Variants in PPP2R5E observed in about 807,000 individuals in gnomAD.
The protein encoded by PPP2R5E is protein phosphatase 2 regulatory subunit B'epsilon, also known as serine/threonine-protein phosphatase 2A 56 kDa regulatory subunit epsilon isoform.
In PPP2R5E, 4 loss-of-function variants were observed where a neutral mutation model predicts 65.3. The ratio of observed to expected loss-of-function variants is 0.06; its 90% confidence interval spans 0.03 to 0.14. PPP2R5E has a LOEUF of 0.14. PPP2R5E is among the 10% of genes least tolerant of loss of function. The probability of loss-of-function intolerance (pLI) is 1.00; values close to 1 mark genes in which losing one functional copy is unlikely to be tolerated. For missense variants in PPP2R5E, 274 were observed against 556.1 expected, an observed-to-expected ratio of 0.49 and a Z score of 5.10; for synonymous variants, 183 against 187.4, an observed-to-expected ratio of 0.98 and a Z score of 0.19.
At chr14:63,389,440 G>A (rs1055134036) in intron 11 of PPP2R5E, among the ~76,000 whole-genome samples, 172 bp downstream of exon 11, 1 of 152,068 alleles carries the variant, frequency 6.6e-6, no homozygotes, top group African/African-American at 2.4e-5. Context: ...CATTACTGTG[G>A]CTGTTAGGCA....
chr14:63,441,166 T>C (rs1050652425), intron 3 of PPP2R5E, among the ~76,000 whole-genome samples: 1 of 152,078 alleles, frequency 6.6e-6, no homozygotes, highest in African/African-American at 2.4e-5. Context: ...CAGATTTTTA[T>C]GCAGGTAACA....
At chr14:63,424,270 G>A (rs189845769) in intron 3 of PPP2R5E, among the ~76,000 whole-genome samples, 6 of 152,254 alleles carry the variant, frequency 3.9e-5, no homozygotes, top group East Asian at 1.9e-4. Flanking sequence ...TTATTTTAGC[G>A]GAGAGATTCA....
intron 2 of PPP2R5E, among the ~76,000 whole-genome samples, chr14:63,488,617 G>A (rs747425767): frequency 1.3e-5 from 2 of 152,098 alleles, no homozygotes; most frequent in African/African-American, 2.4e-5. Flanking sequence ...GGGAGGCTGA[G>A]TTGGGCAGAT....
chr14:63,428,980 A>G (rs965126962), intron 3 of PPP2R5E, among the ~76,000 whole-genome samples: 2 of 152,180 alleles, frequency 1.3e-5, no homozygotes, highest in Non-Finnish European at 2.9e-5. Flanking sequence ...CTACTCATTA[A>G]ATATCTGCCA....
At chr14:63,424,327 T>C (rs1887210361) in intron 3 of PPP2R5E, among the ~76,000 whole-genome samples, 1 of 151,906 alleles carries the variant, frequency 6.6e-6, no homozygotes, top group Non-Finnish European at 1.5e-5. Context: ...TAGGAGGCAA[T>C]TAGAAATATG....
intron 1 of PPP2R5E, among the ~76,000 whole-genome samples, chr14:63,541,734 A>T (rs1168628332): frequency 6.6e-6 from 1 of 152,222 alleles, no homozygotes; most frequent in African/African-American, 2.4e-5. Context: ...GTGGATTTTG[A>T]CAATGTAAAA....
chr14:63,405,967 C>CT (rs1178885158), intron 5 of PPP2R5E, among the ~76,000 whole-genome samples: 1 of 152,144 alleles, frequency 6.6e-6, no homozygotes, highest in Non-Finnish European at 1.5e-5. Context: ...TGTCCAAACA[C>CT]TTAAGTGAGT....
chr14:63,377,165 A>T (rs1315341062), intron 13 of PPP2R5E, among the ~76,000 whole-genome samples: 4 of 152,032 alleles, frequency 2.6e-5, no homozygotes, highest in South Asian at 4.1e-4. Flanking sequence ...AAAATAAAAA[A>T]AAAAAAATGC....
At chr14:63,422,682 G>A (rs550638197) in intron 3 of PPP2R5E, among the ~76,000 whole-genome samples, 116 of 146,768 alleles carry the variant, frequency 7.9e-4, no homozygotes, top group East Asian at 3.3e-3. Context: ...AGCCGAGATC[G>A]CGGCACTGCA....
rs533831355 is a variant in PPP2R5E at position 63,443,411 on chromosome 14, G to A, written c.354+10278C>T. Among the ~76,000 whole-genome samples the A allele has an allele frequency of 7.2e-5, 11 of 152,142 alleles. No individual in the cohort carries two copies. The South Asian group carries it at 2.3e-3, about 31-fold the overall frequency. ...AACAGCAAATGATCAGTGTGACAAG[G>A]TTGAACACTTTTTGTAGGAGAGAAG... On this transcript the variant is annotated intron_variant, in intron 3 of 13. Transcript: ENST00000337537.
intron 10 of PPP2R5E, 63 bp from the exon 11 acceptor site, chr14:63,389,794 G>A (rs1283718673): frequency 1.4e-6 from 2 of 1,443,746 alleles, no homozygotes; most frequent in Non-Finnish European, 1.8e-6. Context: ...ATAAGAACAA[G>A]GAGGATTAAT....
chr14:63,454,541 G>T (rs1318649103), intron 2 of PPP2R5E, among the ~76,000 whole-genome samples: 1 of 152,218 alleles, frequency 6.6e-6, no homozygotes, highest in East Asian at 1.9e-4. Context: ...TACTGTGAGA[G>T]AAAACCACTA....
At chr14:63,522,593 G>A (rs919839116) in intron 2 of PPP2R5E, among the ~76,000 whole-genome samples, 3 of 142,774 alleles carry the variant, frequency 2.1e-5, no homozygotes, top group Non-Finnish European at 4.8e-5. Flanking sequence ...CCTCTGCCCC[G>A]CCGCCCCGTC....
At chr14:63,525,455 T>C (rs1893151600) in intron 2 of PPP2R5E, among the ~76,000 whole-genome samples, 1 of 152,196 alleles carries the variant, frequency 6.6e-6, no homozygotes, top group Non-Finnish European at 1.5e-5. Context: ...AGGAAAGACA[T>C]ACAGGAGAAG....
intron 5 of PPP2R5E, among the ~76,000 whole-genome samples, chr14:63,412,363 CA>C (rs1337065696): frequency 6.6e-6 from 1 of 152,212 alleles, no homozygotes; most frequent in African/African-American, 2.4e-5. Flanking sequence ...CATAAGTTGG[CA>C]ATGTCATGCT....
In PPP2R5E at chr14:63,390,295, G is replaced by GACACACACAC. The variant is rs59239063; in HGVS notation, c.955-574_955-565dup. On this transcript the variant is annotated intron_variant, in intron 10 of 13. Coordinates refer to ENST00000337537, the MANE Select transcript of PPP2R5E (RefSeq NM_006246.5). The stretch of plus-strand genomic sequence containing the variant: ...CATAAGCATGCACTGACGCATTCTC[G>GACACACACAC]ACACACACACACACACACACACACA... Among the ~76,000 whole-genome samples the GACACACACAC allele has an allele frequency of 6.6e-3, 924 of 140,168 alleles. 17 individuals carry two copies. The highest frequency in any genetic ancestry group is 0.023 in the African/African-American group (883 of 38,606). The allele number at this position is 140,168 out of a possible 152,430, so 92.0% of individuals were successfully genotyped here.
intron 3 of PPP2R5E, among the ~76,000 whole-genome samples, chr14:63,449,212 G>A (rs551445884): frequency 2.0e-5 from 3 of 152,230 alleles, no homozygotes; most frequent in Non-Finnish European, 2.9e-5. Context: ...AGAAATCAGC[G>A]GGGACAGTGA....
At chr14:63,530,147 G>T (rs1292567541) in intron 2 of PPP2R5E, among the ~76,000 whole-genome samples, 1 of 151,480 alleles carries the variant, frequency 6.6e-6, no homozygotes, top group African/African-American at 2.4e-5. Flanking sequence ...TTTTAGGAGG[G>T]TCTAGAAACC....
intron 2 of PPP2R5E, among the ~76,000 whole-genome samples, chr14:63,478,148 C>T (rs1046966104): frequency 6.6e-6 from 1 of 152,156 alleles, no homozygotes; most frequent in Non-Finnish European, 1.5e-5. Flanking sequence ...TCCTGTAGAA[C>T]TGAAAACAGA....
Sources: gnomAD v4.1 joint callset for allele counts (sites outside exome capture counted in the v4.1 genomes callset) on GRCh38, gnomAD v4.1.1 for gene constraint, MANE v1.5 for transcripts, NCBI Gene and HGNC (gene_info 2026-07-23, HGNC 2026-07-21) for gene names.